The following DCAF17 variants were observed in gnomAD, a reference collection of about 807,000 sequenced individuals.
The protein encoded by DCAF17 is DDB1 and CUL4 associated factor 17, also known as DDB1- and CUL4-associated factor 17.
Under a neutral mutation model 66.0 loss-of-function variants are expected in DCAF17, and 48 were observed. The observed-to-expected ratio is 0.73, with a 90% CI of 0.58 to 0.92. The LOEUF is 0.92. Among genes scored for constraint, DCAF17 ranks in the 40% least tolerant of loss-of-function variants. DCAF17 has a pLI of 0.00. For synonymous variants in DCAF17, 206 were observed against 214.6 expected (o/e 0.96, Z 0.35); for missense variants, 562 against 622.8 (o/e 0.90, Z 1.04).
chr2:171,450,543 A>G (rs917269614), intron 5 of DCAF17, among the ~76,000 whole-genome samples: 1 of 151,922 alleles, frequency 6.6e-6, no homozygotes, highest in Admixed American at 6.6e-5. Context: ...TTTTGTTTCT[A>G]TTGGTGACTT....
intron 9 of DCAF17, 33 bp downstream of exon 9, chr2:171,469,063 T>G (rs201630526): frequency 1.2e-6 from 2 of 1,612,222 alleles, no homozygotes; most frequent in Non-Finnish European, 1.7e-6. Context: ...TATTAGCAAA[T>G]TTGTATCAAG....
intron 4 of DCAF17, 143 bp downstream of exon 4, chr2:171,448,960 C>T (rs1177607660): frequency 4.2e-6 from 3 of 722,164 alleles, no homozygotes; most frequent in African/African-American, 1.8e-5. Context: ...TTTTTCTCCC[C>T]TCATGACTAC....
intron 1 of DCAF17, 157 bp downstream of exon 1, chr2:171,434,860 T>G (rs1324744044): frequency 8.5e-7 from 1 of 1,178,040 alleles, no homozygotes; most frequent in Non-Finnish European, 1.2e-6. Context: ...TAGGTGGTAA[T>G]AGGGCCACCA....
Position 171,480,057 on chromosome 2 carries a change from A to G in DCAF17, c.1286A>G (p.Tyr429Cys), listed in dbSNP as rs759392662. The change falls in exon 13 of 14, where the codon TAT becomes TGT. Residue 429 changes from tyrosine to cysteine, a missense_variant. Physicochemically the swap from Tyr to Cys is radical, Grantham distance 194. Around this residue, in one of 3 missense-constraint regions of DCAF17, gnomAD observed 201 missense variants for 231.1 expected, o/e 0.87. Coordinates refer to ENST00000375255, the MANE Select transcript of DCAF17 (RefSeq NM_025000.4). ...PEQETFKIVD[Y>C]EDELDLLSVV... ...CCAAAGACTTTCAAAATTGTGGACT[A>G]TGAAGATGAGTTAGATTTGCTTTCT... 14 of 1,613,592 alleles carry G rather than the reference A, an allele frequency of 8.7e-6. No individual in the cohort carries two copies. The highest frequency in any genetic ancestry group is 4.0e-5 in the African/African-American group (3 of 74,912).
intron 8 of DCAF17, among the ~76,000 whole-genome samples, chr2:171,465,931 T>C (rs1695870939): frequency 6.6e-6 from 1 of 152,270 alleles, no homozygotes; most frequent in South Asian, 2.1e-4. Flanking sequence ...GTTTGCATAC[T>C]TTAAATATTT....
intron 8 of DCAF17, among the ~76,000 whole-genome samples, chr2:171,461,337 G>T (rs1408073979): frequency 6.6e-6 from 1 of 152,108 alleles, no homozygotes; most frequent in African/African-American, 2.4e-5. Context: ...TGAGGCAGGA[G>T]AATTGCTTGA....
intron 3 of DCAF17, among the ~76,000 whole-genome samples, chr2:171,446,417 GCACCT>G (rs1574334359): frequency 6.6e-6 from 1 of 152,078 alleles, no homozygotes; most frequent in East Asian, 1.9e-4. Flanking sequence ...GTGGTGGCAC[GCACCT>G]GTAATCCCAG....
intron 8 of DCAF17, 35 bp from the exon 9 acceptor site, chr2:171,468,853 G>A: frequency 6.2e-7 from 1 of 1,613,972 alleles, no homozygotes; most frequent in South Asian, 1.1e-5. Context: ...CCCCAGAACA[G>A]TGCAGCTAAT....
chr2:171,473,771 T>C, intron 9 of DCAF17, 95 bp from the exon 10 acceptor site: 1 of 954,760 alleles, frequency 1.0e-6, no homozygotes, highest in South Asian at 1.4e-5. Context: ...TTCTTCCGTG[T>C]ACCTTTGACC....
chr2:171,441,767 G>A (rs2105732831), intron 2 of DCAF17, among the ~76,000 whole-genome samples: 1 of 152,300 alleles, frequency 6.6e-6, no homozygotes, highest in Admixed American at 6.5e-5. Flanking sequence ...GCAGTAGTAG[G>A]TTTTCTTGAA....
intron 6 of DCAF17, 59 bp from the exon 7 acceptor site, chr2:171,457,912 A>C: frequency 7.6e-7 from 1 of 1,308,134 alleles, no homozygotes. Context: ...CACTGTGAAC[A>C]TTCAGAGGAT....
At position 171,482,211 on chromosome 2, in the gene DCAF17, C is replaced by G; in HGVS notation, c.*1097C>G. ...CCTGTTTGAGAAATTCAGTTGCTTC[C>G]ATTTCGCATGTTCTGCACATTTATC... On this transcript the variant is annotated 3_prime_UTR_variant, in exon 14 of 14. Coordinates refer to ENST00000375255, the MANE Select transcript of DCAF17 (RefSeq NM_025000.4). The G allele has an allele frequency of 2.2e-6, 1 of 453,380 alleles. No individual in the cohort carries two copies. The allele number at this position is 453,380 out of a possible 1,614,324, so 28.1% of individuals were successfully genotyped here. A position where few individuals can be genotyped will look rare whatever the true frequency, so the allele number is the denominator to read the frequency against.
In DCAF17 at chr2:171,453,143, T is replaced by C. The variant is rs750319630; in HGVS notation, c.557T>C (p.Val186Ala). 6.2e-7 allele frequency: 1 copy of C among 1,609,416 alleles called. No homozygotes were observed. Among genetic ancestry groups the C allele is most frequent in the Non-Finnish European group, 8.5e-7 (1 of 1,177,782 alleles). ...TTCTAGGCAGGCATTCAACAACATG[T>C]TTTGCTGTACCTTGCAGTGTTCCGA... is the stretch of plus-strand genomic sequence containing the variant. The part of the protein sequence containing the change: ...VARQAGIQQH[V>A]LLYLAVFRVL... The change falls in exon 6 of 14, where the codon GTT (valine) becomes GCT (alanine). Residue 186 changes from valine to alanine, a missense_variant. Val to Ala is a moderately conservative substitution (Grantham distance 64). Around this residue, in one of 3 missense-constraint regions of DCAF17, gnomAD observed 348 missense variants for 355.9 expected, o/e 0.98. Transcript: ENST00000375255.
At position 171,483,543 on chromosome 2, in the gene DCAF17, A is replaced by G. The variant is rs778932293; in HGVS notation, c.*2429A>G. The G allele has an allele frequency of 4.8e-4, 220 of 454,126 alleles. 1 individual carries two copies. The highest frequency in any genetic ancestry group is 2.1e-3 in the Middle Eastern group (3 of 1,444). 28.1% of individuals were successfully genotyped at this position (454,126 alleles called of 1,614,324 possible). On this transcript the variant is annotated 3_prime_UTR_variant, in exon 14 of 14. Coordinates refer to ENST00000375255, the MANE Select transcript of DCAF17 (RefSeq NM_025000.4). The stretch of plus-strand genomic sequence containing the variant: ...TCTGGGAGAAAACAAAACAAATCCT[A>G]TCCTATTTACTATTTGTGCTACCTA...
rs139273240 is a variant in DCAF17, at chr2:171,463,497, GT to G, written c.838+5024del. Among the ~76,000 whole-genome samples the G allele has an allele frequency of 1.8e-3, 269 of 152,230 alleles. 2 individuals are homozygous for G. The highest frequency in any genetic ancestry group is 6.2e-3 in the African/African-American group (257 of 41,542). Reference sequence around the variant, plus strand: ...GAGATACAGATCAAAGGAAGACTTAGTTTTCATTATATCTTCTGATACTTCT... The same window carrying G: ...GAGATACAGATCAAAGGAAGACTTAGTTTCATTATATCTTCTGATACTTCT... On this transcript the variant is annotated intron_variant, in intron 8 of 13. Coordinates refer to ENST00000375255, the MANE Select transcript of DCAF17 (RefSeq NM_025000.4).
At position 171,458,495 on chromosome 2, in the gene DCAF17, T is replaced by G. The variant is rs1408255927; in HGVS notation, c.838+18T>G. 1 of 1,577,104 alleles carries G rather than the reference T, an allele frequency of 6.3e-7. No homozygotes were observed. Among genetic ancestry groups the G allele is most frequent in the South Asian group, 1.1e-5 (1 of 90,050 alleles). On this transcript the variant is annotated intron_variant, in intron 8 of 13. Transcript: ENST00000375255. Reference sequence around the variant, plus strand: ...AATCACAGGTATGGCTACTCTATAGTATTTTTTCACCTTAAAAAAATTAAG... The same window carrying G: ...AATCACAGGTATGGCTACTCTATAGGATTTTTTCACCTTAAAAAAATTAAG...
chr2:171,440,340 C>A (rs544477043), intron 2 of DCAF17, among the ~76,000 whole-genome samples: 35 of 152,240 alleles, frequency 2.3e-4, no homozygotes, highest in African/African-American at 7.9e-4. Context: ...CTTTTGGAGG[C>A]CAACGTCTGG....
At chr2:171,461,011 T>C (rs1695555177) in intron 8 of DCAF17, among the ~76,000 whole-genome samples, 1 of 152,248 alleles carries the variant, frequency 6.6e-6, no homozygotes, top group African/African-American at 2.4e-5. Flanking sequence ...TCAGTGTTTA[T>C]TTCATACTGT....
chr2:171,468,396 C>G (rs1268203468), intron 8 of DCAF17, among the ~76,000 whole-genome samples: 1 of 152,094 alleles, frequency 6.6e-6, no homozygotes, highest in Non-Finnish European at 1.5e-5. Flanking sequence ...AAATCTTAAG[C>G]AAGATAGATG....
Sources: allele counts gnomAD v4.1 joint callset (sites outside exome capture counted in the v4.1 genomes callset), GRCh38; gene constraint gnomAD v4.1.1; regional missense constraint gnomAD v4.1.1; transcripts MANE v1.5; gene names NCBI Gene and HGNC (gene_info 2026-07-23, HGNC 2026-07-21).